Variants in GABBR2 observed in about 807,000 individuals in gnomAD.
The protein encoded by GABBR2 is gamma-aminobutyric acid type B receptor subunit 2, also known as G-protein coupled receptor 51.
A neutral mutation model predicts 105.6 loss-of-function variants in GABBR2; 23 were observed. That is an observed-to-expected ratio of 0.22 (90% CI 0.16 to 0.31). GABBR2 has a LOEUF of 0.31. GABBR2 is among the 10% of genes least tolerant of loss of function. The pLI is 1.00. For synonymous variants in GABBR2, 478 were observed against 499.7 expected (o/e 0.96, Z 0.58); for missense variants, 734 against 1,245.5 (o/e 0.59, Z 6.18).
At chr9:98,371,961 C>T (rs947951186) in intron 11 of GABBR2, among the ~76,000 whole-genome samples, 2 of 152,176 alleles carry the variant, frequency 1.3e-5, no homozygotes, top group Admixed American at 1.3e-4. Context: ...CAGCCCTCTC[C>T]CCACATGGTC....
intron 13 of GABBR2, among the ~76,000 whole-genome samples, chr9:98,349,963 C>T (rs546552218): frequency 3.3e-5 from 5 of 151,994 alleles, no homozygotes; most frequent in East Asian, 1.9e-4. Flanking sequence ...TATTCCTTTC[C>T]GATTCAATCT....
chr9:98,656,905 T>A (rs1196928438), intron 1 of GABBR2, among the ~76,000 whole-genome samples: 1 of 152,106 alleles, frequency 6.6e-6, no homozygotes, highest in Admixed American at 6.6e-5. Flanking sequence ...TGGGTAGGGG[T>A]GCTGGCAAGA....
chr9:98,523,351 A>C (rs1248828365), intron 3 of GABBR2, among the ~76,000 whole-genome samples: 1 of 152,216 alleles, frequency 6.6e-6, no homozygotes, highest in East Asian at 1.9e-4. Flanking sequence ...GCTCTACTGA[A>C]GACTTAACTT....
chr9:98,488,413 G>A (rs1346433659), intron 4 of GABBR2, among the ~76,000 whole-genome samples: 1 of 152,134 alleles, frequency 6.6e-6, no homozygotes, highest in Admixed American at 6.5e-5. Flanking sequence ...CACTAATATT[G>A]TTGGAGAATT....
chr9:98,320,443 A>G (rs1207601760), intron 13 of GABBR2, among the ~76,000 whole-genome samples: 3 of 151,898 alleles, frequency 2.0e-5, no homozygotes, highest in African/African-American at 7.2e-5. Context: ...ATCTAGAACT[A>G]GAAATACCAT....
intron 16 of GABBR2, 148 bp downstream of exon 16, chr9:98,303,093 C>G: frequency 1.7e-6 from 1 of 601,912 alleles, no homozygotes; most frequent in South Asian, 2.4e-5. Flanking sequence ...GTTTATGTCA[C>G]CCCTGGCTCT....
chr9:98,463,210 C>T (rs1393937035), intron 6 of GABBR2, among the ~76,000 whole-genome samples: 1 of 152,136 alleles, frequency 6.6e-6, no homozygotes, highest in Non-Finnish European at 1.5e-5. Context: ...TAATTCTACA[C>T]AGAAAACTAT....
At chr9:98,605,129 G>A (rs550966963) in intron 1 of GABBR2, among the ~76,000 whole-genome samples, 3 of 152,352 alleles carry the variant, frequency 2.0e-5, no homozygotes, top group South Asian at 2.1e-4. Context: ...CCCATGAGAC[G>A]AAACCAGGGC....
intron 13 of GABBR2, among the ~76,000 whole-genome samples, chr9:98,336,708 A>C (rs1462930536): frequency 6.6e-6 from 1 of 152,206 alleles, no homozygotes; most frequent in Admixed American, 6.5e-5. Flanking sequence ...TGTCTCAAAA[A>C]CAAAAAAGTA....
At chr9:98,297,508 G>A (rs193173810) in intron 17 of GABBR2, among the ~76,000 whole-genome samples, 15 of 152,206 alleles carry the variant, frequency 9.9e-5, no homozygotes, top group Non-Finnish European at 2.1e-4. Flanking sequence ...AGCTACTCAG[G>A]AGGCTGAGGC....
chr9:98,536,671 C>A lies in GABBR2; in HGVS notation c.630+5202G>T, dbSNP rs151050673. Among the ~76,000 whole-genome samples the A allele has an allele frequency of 2.1e-3, 319 of 152,270 alleles. 1 individual carries two copies. Among genetic ancestry groups the A allele is most frequent in the African/African-American group, 7.5e-3 (313 of 41,548 alleles). On this transcript the variant is annotated intron_variant, in intron 3 of 18. Transcript: ENST00000259455. ...CATGCCACAATGGGTCTTCACACAT[C>A]ACCAGGGTCTGGACTCTCGGTACTT...
chr9:98,496,472 C>G lies in GABBR2; in HGVS notation c.673G>C (p.Glu225Gln). ...LTGVLYGEDI[E>Q]ISDTESFSND... ...GAGAAGCTCTCGGTGTCTGAAATCT[C>G]AATGTCCTCGCCATACAGAACTCCA... Residue 225 changes from glutamate (E) to glutamine (Q), a missense_variant, in exon 4 of 19, where the codon GAG (glutamate) becomes CAG (glutamine). Physicochemically the swap from Glu to Gln is conservative, Grantham distance 29. Around this residue, in one of 7 missense-constraint regions of GABBR2, gnomAD observed 370 missense variants for 648.9 expected, o/e 0.57. Transcript: ENST00000259455. 1 of 1,613,444 alleles carries G rather than the reference C, an allele frequency of 6.2e-7. No homozygotes were observed. The highest frequency in any genetic ancestry group is 8.5e-7 in the Non-Finnish European group (1 of 1,179,608).
intron 1 of GABBR2, among the ~76,000 whole-genome samples, chr9:98,648,833 G>C (rs1419490696): frequency 6.6e-6 from 1 of 152,206 alleles, no homozygotes; most frequent in Non-Finnish European, 1.5e-5. Flanking sequence ...CCACAGACCA[G>C]CTGGACTAGA....
At chr9:98,568,780 T>C (rs1828785147) in intron 2 of GABBR2, among the ~76,000 whole-genome samples, 1 of 152,234 alleles carries the variant, frequency 6.6e-6, no homozygotes, top group African/African-American at 2.4e-5. Context: ...AAAACCCTTC[T>C]GTGGGTTCCT....
chr9:98,606,099 T>A (rs1430570571), intron 1 of GABBR2, among the ~76,000 whole-genome samples: 1 of 152,252 alleles, frequency 6.6e-6, no homozygotes, highest in East Asian at 1.9e-4. Flanking sequence ...ACCAAAGACA[T>A]GAATTCATCC....
At chr9:98,633,775 C>T (rs1050880708) in intron 1 of GABBR2, among the ~76,000 whole-genome samples, 1 of 152,088 alleles carries the variant, frequency 6.6e-6, no homozygotes. Context: ...GTCTGCAGTG[C>T]CTTTTTAGGG....
intron 1 of GABBR2, among the ~76,000 whole-genome samples, chr9:98,692,475 C>T (rs1830694979): frequency 6.6e-6 from 1 of 152,254 alleles, no homozygotes; most frequent in Non-Finnish European, 1.5e-5. Flanking sequence ...ACACATACAG[C>T]TCACCATCTA....
chr9:98,640,844 C>T (rs911067437), intron 1 of GABBR2, among the ~76,000 whole-genome samples: 16 of 152,098 alleles, frequency 1.1e-4, no homozygotes, highest in African/African-American at 2.9e-4. Context: ...GAGGGACACA[C>T]GAGCTGATCA....
chr9:98,495,922 G>GTATGC (rs1827269797), intron 4 of GABBR2: 1 of 161,426 alleles, frequency 6.2e-6, no homozygotes. Flanking sequence ...GTTTGAGAGA[G>GTATGC]TATGCAGAAG....
Sources: gnomAD v4.1 joint callset for allele counts (sites outside exome capture counted in the v4.1 genomes callset) on GRCh38, gnomAD v4.1.1 for gene constraint, gnomAD v4.1.1 regional missense constraint, MANE v1.5 for transcripts, NCBI Gene and HGNC (gene_info 2026-07-23, HGNC 2026-07-21) for gene names.